The following CDH12 variants were observed in gnomAD, a reference collection of about 807,000 sequenced individuals.
The protein encoded by CDH12 is cadherin 12, also known as cadherin-12.
In CDH12, 41 loss-of-function variants were observed where a neutral mutation model predicts 74.1. The ratio of observed to expected loss-of-function variants is 0.55; its 90% confidence interval spans 0.43 to 0.72. The LOEUF (loss-of-function observed/expected upper bound fraction) is 0.72, where lower values mean the gene tolerates loss of function less well. Ranked by LOEUF, CDH12 falls within the 30% of genes least tolerant of loss-of-function variation. The pLI is 0.00. For missense variants in CDH12, 945 were observed against 977.2 expected, an observed-to-expected ratio of 0.97 and a Z score of 0.44; for synonymous variants, 399 against 355.0, an observed-to-expected ratio of 1.12 and a Z score of -1.39.
chr5:22,827,172 A>G (rs943712930), intron 1 of CDH12, among the ~76,000 whole-genome samples: 2 of 150,164 alleles, frequency 1.3e-5, no homozygotes, highest in Admixed American at 1.3e-4. Flanking sequence ...AAATGGGCCA[A>G]TGTAGAGCTC....
intron 5 of CDH12, among the ~76,000 whole-genome samples, chr5:21,979,191 T>C (rs1397164649): frequency 6.6e-6 from 1 of 152,210 alleles, no homozygotes. Context: ...CTTCCAATTA[T>C]TAAAAATAAG....
chr5:22,546,021 T>C (rs1359800355), intron 1 of CDH12, among the ~76,000 whole-genome samples: 1 of 152,108 alleles, frequency 6.6e-6, no homozygotes, highest in Admixed American at 6.6e-5. Flanking sequence ...CTCGGCTCAC[T>C]GCAACCCCTG....
intron 2 of CDH12, among the ~76,000 whole-genome samples, chr5:22,473,309 T>G (rs1370364025): frequency 2.0e-5 from 3 of 152,182 alleles, no homozygotes; most frequent in African/African-American, 7.2e-5. Flanking sequence ...CTTTATAAAA[T>G]TTAAAGCACC....
At chr5:22,032,791 TTATATA>T (rs921878189) in intron 5 of CDH12, among the ~76,000 whole-genome samples, 3 of 146,716 alleles carry the variant, frequency 2.0e-5, no homozygotes, top group Non-Finnish European at 4.5e-5. Context: ...GCATACATAT[TTATATA>T]TATATAGTGT....
intron 5 of CDH12, among the ~76,000 whole-genome samples, chr5:21,977,974 G>A (rs1757140890): frequency 6.6e-6 from 1 of 152,110 alleles, no homozygotes; most frequent in Admixed American, 6.6e-5. Context: ...AGGCAGATGG[G>A]TGGTAGCCTA....
chr5:22,435,564 T>A (rs1368722550), intron 2 of CDH12, among the ~76,000 whole-genome samples: 1 of 150,834 alleles, frequency 6.6e-6, no homozygotes, highest in Non-Finnish European at 1.5e-5. Flanking sequence ...CTCTAGAGAA[T>A]CCTGACTAAT....
At chr5:22,585,553 A>G (rs6875488) in intron 1 of CDH12, among the ~76,000 whole-genome samples, 8 of 151,722 alleles carry the variant, frequency 5.3e-5, no homozygotes, top group African/African-American at 1.9e-4. Flanking sequence ...CACATGTTAC[A>G]TATTCTCATT....
chr5:22,051,664 C>T (rs1234335055), intron 5 of CDH12, among the ~76,000 whole-genome samples: 1 of 152,080 alleles, frequency 6.6e-6, no homozygotes, highest in Non-Finnish European at 1.5e-5. Context: ...AAGAGTCTTT[C>T]TTTTATCCAC....
At chr5:22,050,025 T>A (rs904650624) in intron 5 of CDH12, among the ~76,000 whole-genome samples, 7 of 152,138 alleles carry the variant, frequency 4.6e-5, no homozygotes, top group Non-Finnish European at 1.0e-4. Context: ...CATGAGCTGG[T>A]GCATTTCAAA....
chr5:22,009,704 G>A (rs116729849), intron 5 of CDH12, among the ~76,000 whole-genome samples: 2,260 of 151,912 alleles, frequency 0.015, 29 homozygotes, highest in Non-Finnish European at 0.025. Flanking sequence ...TTGGCCCGGC[G>A]CGGTGACTCA....
At chr5:22,620,630 T>C (rs1737924918) in intron 1 of CDH12, among the ~76,000 whole-genome samples, 1 of 152,168 alleles carries the variant, frequency 6.6e-6, no homozygotes, top group Admixed American at 6.6e-5. Context: ...GGGTTCATTA[T>C]TCTGTATATG....
chr5:21,913,129 CA>C (rs1753937007), intron 6 of CDH12, among the ~76,000 whole-genome samples: 1 of 152,138 alleles, frequency 6.6e-6, no homozygotes, highest in Non-Finnish European at 1.5e-5. Context: ...AGACATGAGC[CA>C]CCAAGCCTGG....
rs150944311 is a variant in CDH12 at position 22,632,843 on chromosome 5, C to T, written c.-522-127479G>A. Among the ~76,000 whole-genome samples, 739 of 150,700 alleles carry T rather than the reference C, an allele frequency of 4.9e-3. 6 individuals carry two copies. Among genetic ancestry groups the T allele is most frequent in the African/African-American group, 0.017 (696 of 41,054 alleles). On this transcript the variant is annotated intron_variant, in intron 1 of 14. Transcript: ENST00000382254. ...CTTGATAAATTCAAAATAGGATAAA[C>T]TCAAAGAGATCCACCCCTAGATATA... is the stretch of plus-strand genomic sequence containing the variant.
intron 1 of CDH12, among the ~76,000 whole-genome samples, chr5:22,621,001 G>C (rs1340884194): frequency 6.6e-6 from 1 of 152,154 alleles, no homozygotes; most frequent in Non-Finnish European, 1.5e-5. Flanking sequence ...TCAGAATTCT[G>C]AAATTGGCTT....
intron 4 of CDH12, among the ~76,000 whole-genome samples, chr5:22,176,613 G>A (rs1243107934): frequency 1.3e-5 from 2 of 151,970 alleles, no homozygotes; most frequent in Non-Finnish European, 2.9e-5. Flanking sequence ...CTTGCACTTG[G>A]TATCTCTCCA....
chr5:21,765,108 A>G lies in CDH12; in HGVS notation c.1394-9T>C. 1.9e-6 allele frequency: 3 copies of G among 1,546,332 alleles called. No homozygotes were observed. The South Asian group carries it at 3.7e-5, about 19-fold the overall frequency. On this transcript the variant is annotated splice_polypyrimidine_tract_variant and intron_variant, in intron 11 of 14. Transcript: ENST00000382254. ...GGTCAATAAAGGGTTACCTGTTAAA[A>G]ACATATAAAGATAAAAGATGATTAC...
At chr5:22,286,157 C>T (rs1005688418) in intron 3 of CDH12, among the ~76,000 whole-genome samples, 3 of 152,086 alleles carry the variant, frequency 2.0e-5, no homozygotes, top group Non-Finnish European at 2.9e-5. Context: ...CCAATTTCTG[C>T]AGATTCAAAA....
At chr5:22,376,683 AT>A (rs34256665) in intron 3 of CDH12, among the ~76,000 whole-genome samples, 42,297 of 116,648 alleles carry the variant, frequency 0.36, 7,972 homozygotes, top group African/African-American at 0.55. Flanking sequence ...TGGTTGACTA[AT>A]TTTTTTTTTT....
intron 1 of CDH12, among the ~76,000 whole-genome samples, chr5:22,795,013 A>C (rs1181359903): frequency 2.0e-5 from 3 of 152,304 alleles, no homozygotes; most frequent in Non-Finnish European, 4.4e-5. Flanking sequence ...CCAAAAAATG[A>C]AGGTAATTTC....
Sources: allele counts gnomAD v4.1 joint callset (sites outside exome capture counted in the v4.1 genomes callset), GRCh38; gene constraint gnomAD v4.1.1; transcripts MANE v1.5; gene names NCBI Gene and HGNC (gene_info 2026-07-23, HGNC 2026-07-21).